BMPER: variants seen among roughly 807,000 people sequenced by gnomAD.
The protein encoded by BMPER is BMP-binding endothelial regulator protein.
Under a neutral mutation model 87.3 loss-of-function variants are expected in BMPER, and 45 were observed. That is an observed-to-expected ratio of 0.52 (90% CI 0.41 to 0.66). The LOEUF (loss-of-function observed/expected upper bound fraction) is 0.66, where lower values mean the gene tolerates loss of function less well. Ranked by LOEUF, BMPER falls within the 30% of genes least tolerant of loss-of-function variation. The probability of loss-of-function intolerance (pLI) is 0.00; values close to 1 mark genes in which losing one functional copy is unlikely to be tolerated. For missense variants in BMPER, 784 were observed against 867.5 expected (o/e 0.90, Z 1.21); for synonymous variants, 326 against 316.2 (o/e 1.03, Z -0.33).
chr7:34,120,327 C>A (rs1462192327), intron 13 of BMPER, among the ~76,000 whole-genome samples: 1 of 151,498 alleles, frequency 6.6e-6, no homozygotes, highest in African/African-American at 2.4e-5. Context: ...ATGTAACATA[C>A]AATACAATTA....
chr7:34,135,989 G>A (rs575436009), intron 13 of BMPER, among the ~76,000 whole-genome samples: 1 of 152,296 alleles, frequency 6.6e-6, no homozygotes, highest in Admixed American at 6.5e-5. Flanking sequence ...CCCAGATGAA[G>A]GTTATGAAAT....
At chr7:33,991,192 T>C (rs1451789475) in intron 6 of BMPER, among the ~76,000 whole-genome samples, 2 of 150,366 alleles carry the variant, frequency 1.3e-5, no homozygotes, top group African/African-American at 4.9e-5. Context: ...GAAGGAATGG[T>C]ACCAGTTCCT....
Position 34,153,427 on chromosome 7 carries a change from T to C in BMPER, c.*154T>C. 2.7e-6 allele frequency: 2 copies of C among 744,070 alleles called. No individual in the cohort carries two copies. Among genetic ancestry groups the C allele is most frequent in the Non-Finnish European group, 4.4e-6 (2 of 459,144 alleles). The allele number at this position is 744,070 out of a possible 1,614,324, so 46.1% of individuals were successfully genotyped here. ...ATATATATAGATATATTCAAAAACA[T>C]TGCATCATTTATATGAACTATAGGG... On this transcript the variant is annotated 3_prime_UTR_variant, in exon 15 of 15. Coordinates refer to ENST00000649409, the MANE Select transcript of BMPER (RefSeq NM_001365308.1).
chr7:33,934,911 C>G (rs1021127612), intron 2 of BMPER, among the ~76,000 whole-genome samples: 1 of 152,172 alleles, frequency 6.6e-6, no homozygotes, highest in African/African-American at 2.4e-5. Context: ...TCACAATTCT[C>G]TTGGGGTGGG....
chr7:33,946,644 G>C (rs1000621303), intron 3 of BMPER, among the ~76,000 whole-genome samples: 4 of 152,280 alleles, frequency 2.6e-5, no homozygotes, highest in Middle Eastern at 3.4e-3. Flanking sequence ...TTTGTTTGTT[G>C]ATTGTTTGAG....
At chr7:34,024,833 T>C (rs1009036997) in intron 6 of BMPER, among the ~76,000 whole-genome samples, 3 of 152,056 alleles carry the variant, frequency 2.0e-5, no homozygotes, top group Non-Finnish European at 4.4e-5. Flanking sequence ...TCTGATACAG[T>C]AAGTACAAGG....
At chr7:33,943,550 G>A (rs575397954) in intron 3 of BMPER, among the ~76,000 whole-genome samples, 185 of 152,292 alleles carry the variant, frequency 1.2e-3, no homozygotes, top group African/African-American at 4.3e-3. Context: ...TGTTTCTCAA[G>A]GACAGAGACC....
chr7:34,043,900 T>C (rs1286303193), intron 6 of BMPER, among the ~76,000 whole-genome samples: 1 of 152,198 alleles, frequency 6.6e-6, no homozygotes, highest in African/African-American at 2.4e-5. Context: ...AACAGAAATG[T>C]TTACTTCTGT....
At chr7:33,933,423 C>T (rs1330933842) in intron 2 of BMPER, among the ~76,000 whole-genome samples, 1 of 148,674 alleles carries the variant, frequency 6.7e-6, no homozygotes, top group Non-Finnish European at 1.5e-5. Context: ...AGGTTTATTG[C>T]TCTTATTCAT....
At chr7:33,925,372 G>A (rs1345792976) in intron 2 of BMPER, among the ~76,000 whole-genome samples, 1 of 152,172 alleles carries the variant, frequency 6.6e-6, no homozygotes, top group East Asian at 1.9e-4. Flanking sequence ...ATGTTTGATG[G>A]TGGGAAAACT....
rs1384325918 is a variant in BMPER at position 34,154,080 on chromosome 7, A to G, written c.*807A>G. The G allele has an allele frequency of 6.6e-6, 1 of 152,618 alleles. No homozygotes were observed. Among genetic ancestry groups the G allele is most frequent in the Non-Finnish European group, 1.5e-5 (1 of 68,024 alleles). 9.5% of individuals were successfully genotyped at this position (152,618 alleles called of 1,614,324 possible). ...TGAGCATGAGAAAGTATTTGAAGAA[A>G]CTGTTGCACAACATATGATGAAATT... On this transcript the variant is annotated 3_prime_UTR_variant, in exon 15 of 15. Coordinates refer to ENST00000649409, the MANE Select transcript of BMPER (RefSeq NM_001365308.1).
intron 11 of BMPER, among the ~76,000 whole-genome samples, chr7:34,071,382 C>G (rs905753202): frequency 2.0e-5 from 3 of 152,136 alleles, no homozygotes; most frequent in Non-Finnish European, 4.4e-5. Context: ...TATAGGCAAA[C>G]AAATTGAGGT....
At position 34,003,941 on chromosome 7, in the gene BMPER, G is replaced by A. The variant is rs988273806; in HGVS notation, c.576+29157G>A. The stretch of plus-strand genomic sequence containing the variant: ...GAATTTCTTGGATGTACAGATTAAT[G>A]TTTTCATTAAATTTGGAAATGTTTT... On this transcript the variant is annotated intron_variant, in intron 6 of 14. Transcript: ENST00000649409. Among the ~76,000 whole-genome samples, 10 of 152,072 alleles carry A rather than the reference G, an allele frequency of 6.6e-5. No individual in the cohort carries two copies. The South Asian group carries it at 1.9e-3, about 28-fold the overall frequency.
At chr7:33,942,551 A>T (rs539225478) in intron 3 of BMPER, among the ~76,000 whole-genome samples, 3 of 152,320 alleles carry the variant, frequency 2.0e-5, no homozygotes, top group Non-Finnish European at 2.9e-5. Context: ...GTCTCCACTG[A>T]GACCCTTATG....
chr7:34,051,308 C>A (rs1223593388), intron 7 of BMPER, among the ~76,000 whole-genome samples: 2 of 152,196 alleles, frequency 1.3e-5, no homozygotes, highest in African/African-American at 4.8e-5. Flanking sequence ...AACAATATTT[C>A]ATTAGCTCCT....
At chr7:33,982,548 T>A (rs1244800460) in intron 6 of BMPER, among the ~76,000 whole-genome samples, 1 of 151,910 alleles carries the variant, frequency 6.6e-6, no homozygotes, top group Non-Finnish European at 1.5e-5. Flanking sequence ...ACTTGGCCAC[T>A]AGGAGGGGCC....
At chr7:34,023,971 T>C (rs1264485830) in intron 6 of BMPER, among the ~76,000 whole-genome samples, 2 of 152,028 alleles carry the variant, frequency 1.3e-5, no homozygotes, top group Non-Finnish European at 2.9e-5. Context: ...CAGCCTCCCT[T>C]GATTCCAATG....
At chr7:34,057,586 G>A (rs529248202) in intron 9 of BMPER, among the ~76,000 whole-genome samples, 16 of 152,230 alleles carry the variant, frequency 1.1e-4, no homozygotes, top group African/African-American at 3.6e-4. Flanking sequence ...TCCTGTATGG[G>A]CCAGAACCAT....
intron 2 of BMPER, among the ~76,000 whole-genome samples, chr7:33,924,423 C>T (rs1243224248): frequency 2.0e-5 from 3 of 152,186 alleles, no homozygotes; most frequent in East Asian, 1.9e-4. Context: ...CATGGCCCTG[C>T]GCGCTGCGGC....
Sources: gnomAD v4.1 joint callset for allele counts (sites outside exome capture counted in the v4.1 genomes callset) on GRCh38, gnomAD v4.1.1 for gene constraint, MANE v1.5 for transcripts, NCBI Gene and HGNC (gene_info 2026-07-23, HGNC 2026-07-21) for gene names.